SLC16A12: variants seen among roughly 807,000 people sequenced by gnomAD.
SLC16A12 encodes the protein monocarboxylate transporter 12.
Under a neutral mutation model 42.4 loss-of-function variants are expected in SLC16A12, and 17 were observed. The ratio of observed to expected loss-of-function variants is 0.40; its 90% CI spans 0.27 to 0.60. SLC16A12 has a LOEUF of 0.60. Ranked by LOEUF, SLC16A12 falls within the 20% of genes least tolerant of loss-of-function variation. SLC16A12 has a pLI of 0.42. For synonymous variants in SLC16A12, 224 were observed against 229.4 expected (o/e 0.98, Z 0.21); for missense variants, 544 against 623.0 (o/e 0.87, Z 1.35).
chr10:89,545,900 A>C (rs1267881250), intron 2 of SLC16A12, among the ~76,000 whole-genome samples: 1 of 152,070 alleles, frequency 6.6e-6, no homozygotes, highest in Non-Finnish European at 1.5e-5. Flanking sequence ...ATAACACCAC[A>C]CATCTACAAC....
intron 6 of SLC16A12, 68 bp downstream of exon 6, chr10:89,438,536 G>A (rs2133686504): frequency 2.2e-6 from 3 of 1,377,792 alleles, no homozygotes; most frequent in East Asian, 2.3e-5. Flanking sequence ...ACAGGGTAAG[G>A]GGCTGAGGAG....
intron 2 of SLC16A12, chr10:89,462,834 A>T (rs188529012): frequency 2.1e-4 from 103 of 487,670 alleles, no homozygotes; most frequent in African/African-American, 1.9e-3. Context: ...AGTCAAATGC[A>T]TGTCTACTCT....
chr10:89,512,705 G>C (rs559076946), intron 2 of SLC16A12, among the ~76,000 whole-genome samples: 1 of 152,302 alleles, frequency 6.6e-6, no homozygotes, highest in East Asian at 1.9e-4. Flanking sequence ...CTGTTCATCT[G>C]TATCTTTCAA....
Position 89,433,269 on chromosome 10 carries a change from GA to G in SLC16A12, c.1345del (p.Ser449GlnfsTer2), listed in dbSNP as rs1841722169. ...AAGCAACACAGAACTAAATATCATT[GA>G]AAATCCACAGAGGAGGAATGCTGCA... The part of the protein sequence containing the change: ...YTAAFLLCGF[S>X]MIFSSVLLGF... On this transcript the variant is annotated frameshift_variant, in exon 8 of 8. Transcript: ENST00000371790. LOFTEE classifies it high-confidence loss of function. 3 of 1,614,142 alleles carry G rather than the reference GA, an allele frequency of 1.9e-6. No individual in the cohort carries two copies. The East Asian group carries it at 6.7e-5, about 36-fold the overall frequency.
At chr10:89,466,817 C>T (rs1842407968) in intron 2 of SLC16A12, among the ~76,000 whole-genome samples, 1 of 152,198 alleles carries the variant, frequency 6.6e-6, no homozygotes, top group Admixed American at 6.5e-5. Flanking sequence ...CTGCGTGCTT[C>T]ACCTGCCAGG....
chr10:89,474,788 T>C (rs1000184741), intron 2 of SLC16A12, among the ~76,000 whole-genome samples: 1 of 152,204 alleles, frequency 6.6e-6, no homozygotes, highest in African/African-American at 2.4e-5. Context: ...CACTGCTACA[T>C]ATATGTTATT....
intron 2 of SLC16A12, among the ~76,000 whole-genome samples, chr10:89,532,758 G>T (rs1355090549): frequency 6.6e-6 from 1 of 152,106 alleles, no homozygotes; most frequent in Non-Finnish European, 1.5e-5. Context: ...ATGCTGTTTT[G>T]AAGAAAAAGC....
chr10:89,483,754 C>CAAAAAAAAAAAAAAAAAAAA (rs796203412), intron 2 of SLC16A12, among the ~76,000 whole-genome samples: 2 of 102,392 alleles, frequency 2.0e-5, no homozygotes, highest in African/African-American at 3.3e-5. Context: ...AAAAAAAAAA[C>CAAAAAAAAAAAAAAAAAAAA]AAAAAAAAAA....
intron 2 of SLC16A12, among the ~76,000 whole-genome samples, chr10:89,473,511 A>G (rs1842533699): frequency 6.6e-6 from 1 of 152,236 alleles, no homozygotes; most frequent in Admixed American, 6.5e-5. Flanking sequence ...AAGGTTTTTT[A>G]GAGAGGACAA....
rs116790750 is a variant in SLC16A12 at position 89,556,620 on chromosome 10, T to C, written c.-243A>G. On this transcript the variant is annotated 5_prime_UTR_variant, in exon 1 of 3. Coordinates refer to the SLC16A12 transcript ENST00000475682. ...GTTTCTGACCTACCTTGTCTGATCA[T>C]AGGTCAGAACACCTCCATTTCAGAA... The C allele has an allele frequency of 2.2e-3, 329 of 152,370 alleles. 2 individuals carry two copies. Among genetic ancestry groups the C allele is most frequent in the African/African-American group, 7.3e-3 (304 of 41,590 alleles). 9.4% of individuals were successfully genotyped at this position (152,370 alleles called of 1,614,324 possible).
chr10:89,451,598 G>C (rs1454550309), intron 3 of SLC16A12, among the ~76,000 whole-genome samples: 1 of 152,044 alleles, frequency 6.6e-6, no homozygotes, highest in African/African-American at 2.4e-5. Context: ...TTTTAGTAGA[G>C]ACAGGGTTTC....
At chr10:89,445,319 C>A (rs955875069) in intron 3 of SLC16A12, among the ~76,000 whole-genome samples, 2 of 152,236 alleles carry the variant, frequency 1.3e-5, no homozygotes, top group African/African-American at 4.8e-5. Context: ...CTGGGAGACA[C>A]CTCCCCGTAG....
intron 2 of SLC16A12, among the ~76,000 whole-genome samples, chr10:89,532,100 AC>A (rs1843564675): frequency 6.6e-6 from 1 of 152,246 alleles, no homozygotes; most frequent in Non-Finnish European, 1.5e-5. Flanking sequence ...AAATCCTTAT[AC>A]AAATCTTTTA....
At chr10:89,502,416 G>A (rs755788627) in intron 2 of SLC16A12, among the ~76,000 whole-genome samples, 10 of 152,134 alleles carry the variant, frequency 6.6e-5, no homozygotes, top group Non-Finnish European at 8.8e-5. Flanking sequence ...TGCCATTGCA[G>A]CCCGGGCAAC....
intron 2 of SLC16A12, among the ~76,000 whole-genome samples, chr10:89,545,910 C>G (rs1843739885): frequency 6.6e-6 from 1 of 152,188 alleles, no homozygotes; most frequent in African/African-American, 2.4e-5. Context: ...ACATCTACAA[C>G]AAACTGGACA....
Position 89,462,434 on chromosome 10 carries a change from A to AGCCC in SLC16A12, c.141_144dup (p.Trp49GlyfsTer63). The stretch of plus-strand genomic sequence containing the variant: ...AGGAAACAGCCAGCCACAATCATCC[A>AGCCC]GCCCCAGCCTCCATCTGGAGGGGAG... On this transcript the variant is annotated frameshift_variant, in exon 3 of 8. Transcript: ENST00000371790. LOFTEE classifies it high-confidence loss of function. The AGCCC allele has an allele frequency of 1.2e-6, 2 of 1,614,068 alleles. No homozygotes were observed. Among genetic ancestry groups the AGCCC allele is most frequent in the Non-Finnish European group, 1.7e-6 (2 of 1,179,956 alleles).
rs751882119 is a variant in SLC16A12 at position 89,433,298 on chromosome 10, G to A, written c.1317C>T (p.Tyr439=). 9 of 1,613,986 alleles carry A rather than the reference G, an allele frequency of 5.6e-6. No individual in the cohort carries two copies. Among genetic ancestry groups the A allele is most frequent in the East Asian group, 4.5e-5 (2 of 44,898 alleles). Residue 439 remains tyrosine (Y), a synonymous_variant, in exon 8 of 8, where the codon TAC becomes TAT. Coordinates refer to ENST00000371790, the MANE Select transcript of SLC16A12 (RefSeq NM_213606.4). ...AGRLVDTTGS[Y]TAAFLLCGFS... Reference sequence around the variant, plus strand: ...ATCCACAGAGGAGGAATGCTGCAGTGTAGCTGCCGGTGGTATCTACCAGCC... The same window carrying A: ...ATCCACAGAGGAGGAATGCTGCAGTATAGCTGCCGGTGGTATCTACCAGCC...
chr10:89,504,566 G>A (rs923330645), intron 2 of SLC16A12, among the ~76,000 whole-genome samples: 3 of 152,106 alleles, frequency 2.0e-5, no homozygotes, highest in African/African-American at 7.2e-5. Flanking sequence ...TATTGCTTTT[G>A]ATGTTGACAT....
intron 2 of SLC16A12, among the ~76,000 whole-genome samples, chr10:89,524,907 C>T (rs2133860305): frequency 6.6e-6 from 1 of 152,316 alleles, no homozygotes; most frequent in South Asian, 2.1e-4. Flanking sequence ...TCTACAGATT[C>T]TGCTTAAAGC....
Sources: allele counts gnomAD v4.1 joint callset (sites outside exome capture counted in the v4.1 genomes callset), GRCh38; gene constraint gnomAD v4.1.1; transcripts MANE v1.5; gene names NCBI Gene and HGNC (gene_info 2026-07-23, HGNC 2026-07-21).